Variants in CEP63 observed in about 807,000 individuals in gnomAD.
CEP63 encodes the protein centrosomal protein 63.
A neutral mutation model predicts 89.1 loss-of-function variants in CEP63; 84 were observed. That is an observed-to-expected ratio of 0.94 (90% CI 0.79 to 1.13). The LOEUF is 1.13. Among genes scored for constraint, CEP63 ranks in the 50% most tolerant of loss-of-function variants. CEP63 has a pLI of 0.00. For missense variants in CEP63, 838 were observed against 813.3 expected, an observed-to-expected ratio of 1.03 and a Z score of -0.37; for synonymous variants, 267 against 272.5, an observed-to-expected ratio of 0.98 and a Z score of 0.20.
the CEP63 span, among the ~76,000 whole-genome samples, chr3:134,701,712 G>T: frequency 1.3e-5 from 2 of 151,938 alleles, no homozygotes; most frequent in Non-Finnish European, 2.9e-5. Context: ...ACATAGTATT[G>T]GAAGTCCTGG....
intron 2 of CEP63, among the ~76,000 whole-genome samples, chr3:134,504,454 T>A (rs1448555388): frequency 1.3e-5 from 2 of 152,226 alleles, no homozygotes; most frequent in African/African-American, 4.8e-5. Context: ...TGCTGAGAAA[T>A]CTGCTGTTAG....
intron 5 of CEP63, among the ~76,000 whole-genome samples, chr3:134,533,511 A>G (rs2109091525): frequency 6.6e-6 from 1 of 152,352 alleles, no homozygotes; most frequent in South Asian, 2.1e-4. Context: ...TGTTTTTATT[A>G]AGACTGAATA....
the CEP63 span, among the ~76,000 whole-genome samples, chr3:134,749,643 C>T: frequency 6.8e-6 from 1 of 146,650 alleles, no homozygotes; most frequent in Non-Finnish European, 1.5e-5. Flanking sequence ...ACTCATAGAC[C>T]CTCCCCACCG....
chr3:134,651,293 G>A, the CEP63 span: 28 of 1,188,048 alleles, frequency 2.4e-5, no homozygotes, highest in South Asian at 4.0e-4. Context: ...CTCCCGCCCG[G>A]TGCACTTGAA....
chr3:134,778,733 G>A, the CEP63 span, among the ~76,000 whole-genome samples: 1 of 151,852 alleles, frequency 6.6e-6, no homozygotes, highest in Admixed American at 6.6e-5. Flanking sequence ...TAATTTTTTT[G>A]TATTTTTTAG....
intron 2 of CEP63, among the ~76,000 whole-genome samples, chr3:134,500,505 A>ATGCTTTTAT (rs1463899417): frequency 2.0e-5 from 3 of 152,138 alleles, no homozygotes; most frequent in Non-Finnish European, 4.4e-5. Flanking sequence ...ATTTTTAGTT[A>ATGCTTTTAT]TTTGAGAAAT....
chr3:134,612,751 C>CTGTGTGTGTGTGTGTGTG, the CEP63 span, among the ~76,000 whole-genome samples: 45 of 125,480 alleles, frequency 3.6e-4, 2 homozygotes, highest in East Asian at 6.2e-3. Flanking sequence ...CACGCCGATG[C>CTGTGTGTGTGTGTGTGTG]TGTGTGTGTG....
At chr3:134,763,278 T>C in the CEP63 span, among the ~76,000 whole-genome samples, 1 of 152,048 alleles carries the variant, frequency 6.6e-6, no homozygotes, top group Non-Finnish European at 1.5e-5. Context: ...CCCCTTCCTG[T>C]GTCCATGTAT....
At chr3:134,573,599 C>T in intron 11 of CEP63, among the ~76,000 whole-genome samples, 1 of 152,056 alleles carries the variant, frequency 6.6e-6, no homozygotes, top group East Asian at 1.9e-4. Flanking sequence ...TATTCTATTC[C>T]ATTGGTCTAT....
intron 12 of CEP63, among the ~76,000 whole-genome samples, chr3:134,555,235 T>C (rs1290514193): frequency 5.3e-5 from 8 of 152,142 alleles, no homozygotes; most frequent in Non-Finnish European, 8.8e-5. Flanking sequence ...CCCTCTCTCA[T>C]CACTCCTATT....
the CEP63 span, among the ~76,000 whole-genome samples, chr3:134,640,201 T>C: frequency 7.0e-6 from 1 of 143,024 alleles, no homozygotes; most frequent in African/African-American, 2.5e-5. Context: ...AATCTCAGAC[T>C]GCACATTGAG....
At chr3:134,494,219 G>A (rs1034173226) in intron 1 of CEP63, among the ~76,000 whole-genome samples, 1 of 151,396 alleles carries the variant, frequency 6.6e-6, no homozygotes, top group South Asian at 2.1e-4. Context: ...GACTTCAAGC[G>A]ATTTTCCTAC....
chr3:134,541,084 A>C (rs1315757954), intron 6 of CEP63, among the ~76,000 whole-genome samples: 1 of 152,098 alleles, frequency 6.6e-6, no homozygotes, highest in Admixed American at 6.5e-5. Context: ...ACCTGGCCGG[A>C]TGTTTATATT....
rs191621289 is a variant in CEP63 at position 134,526,477 on chromosome 3, C to T, written c.223-5368C>T. 5.4e-4 allele frequency among the ~76,000 whole-genome samples: 82 copies of T among 152,134 alleles called. No individual in the cohort carries two copies. In the South Asian group the frequency reaches 8.7e-3, roughly 16 times the overall value. On this transcript the variant is annotated intron_variant, in intron 3 of 14. Coordinates refer to ENST00000675561, the MANE Select transcript of CEP63 (RefSeq NM_001353108.3). ...TTGCTTACATTCTTCTCTATACTGC[C>T]GATTTTGTCTGTCAGTTCCTGCATT... is the stretch of plus-strand genomic sequence containing the variant.
At chr3:134,779,226 T>G in the CEP63 span, among the ~76,000 whole-genome samples, 1 of 152,224 alleles carries the variant, frequency 6.6e-6, no homozygotes, top group Non-Finnish European at 1.5e-5. Context: ...ATATTAATAA[T>G]AAAACAGGCA....
intron 2 of CEP63, among the ~76,000 whole-genome samples, chr3:134,502,501 C>T (rs576136974): frequency 9.2e-5 from 14 of 152,140 alleles, no homozygotes; most frequent in African/African-American, 1.7e-4. Context: ...TTTTATAACT[C>T]GTTATTAATC....
the CEP63 span, chr3:134,651,625 C>G: frequency 2.0e-6 from 2 of 987,220 alleles, no homozygotes; most frequent in African/African-American, 3.5e-5. Flanking sequence ...GAGCTCCCCC[C>G]AGTTACGGCC....
At chr3:134,487,776 G>A (rs1053189392) in intron 1 of CEP63, among the ~76,000 whole-genome samples, 1 of 152,186 alleles carries the variant, frequency 6.6e-6, no homozygotes, top group African/African-American at 2.4e-5. Flanking sequence ...GTCAGATAAC[G>A]ATTTCTTCAA....
At chr3:134,558,910 G>A (rs2110113042) in intron 13 of CEP63, among the ~76,000 whole-genome samples, 1 of 152,214 alleles carries the variant, frequency 6.6e-6, no homozygotes, top group Non-Finnish European at 1.5e-5. Context: ...GATTACTCTG[G>A]CAGCTTGTTT....
Sources: gnomAD v4.1 joint callset for allele counts (sites outside exome capture counted in the v4.1 genomes callset) on GRCh38, gnomAD v4.1.1 for gene constraint, MANE v1.5 for transcripts, NCBI Gene and HGNC (gene_info 2026-07-23, HGNC 2026-07-21) for gene names.